SNTB1: variants seen among roughly 807,000 people sequenced by gnomAD.
SNTB1 encodes syntrophin beta 1, also known as beta-1-syntrophin.
A neutral mutation model predicts 48.9 loss-of-function variants in SNTB1; 36 were observed. The ratio of observed to expected loss-of-function variants is 0.74; its 90% CI spans 0.56 to 0.97. The LOEUF (loss-of-function observed/expected upper bound fraction) is 0.97. SNTB1 is among the 50% of genes least tolerant of loss of function. The probability of loss-of-function intolerance (pLI) is 0.00; values close to 1 mark genes in which losing one functional copy is unlikely to be tolerated. For synonymous variants in SNTB1, 299 were observed against 294.6 expected (o/e 1.01, Z -0.15); for missense variants, 786 against 703.4 (o/e 1.12, Z -1.33).
chr8:120,575,251 A>T (rs1315003211), intron 3 of SNTB1, 26 bp from the exon 4 acceptor site: 3 of 1,613,946 alleles, frequency 1.9e-6, no homozygotes, highest in Non-Finnish European at 8.5e-7. Context: ...GAGAACTGTC[A>T]AATGACAGCC....
chr8:120,711,407 C>T (rs1818462049), intron 1 of SNTB1, among the ~76,000 whole-genome samples: 2 of 152,140 alleles, frequency 1.3e-5, no homozygotes, highest in South Asian at 2.1e-4. Context: ...TCACAGCTCC[C>T]TGAGATCAAA....
At chr8:120,619,310 T>TAG (rs752369440) in intron 3 of SNTB1, among the ~76,000 whole-genome samples, 12,225 of 146,904 alleles carry the variant, frequency 0.083, 606 homozygotes, top group Middle Eastern at 0.19. Context: ...TATATATATA[T>TAG]AGAGAGAGAG....
chr8:120,758,863 C>T (rs11987096), intron 1 of SNTB1, among the ~76,000 whole-genome samples: 18,396 of 151,998 alleles, frequency 0.12, 3,661 homozygotes, highest in African/African-American at 0.42. Context: ...TTGTATATTT[C>T]CTTGTTGTCT....
intron 1 of SNTB1, among the ~76,000 whole-genome samples, chr8:120,800,508 T>C (rs1820205788): frequency 6.6e-6 from 1 of 151,918 alleles, no homozygotes; most frequent in South Asian, 2.1e-4. Context: ...AAAGTAACAA[T>C]GGATCCAGGA....
rs564146819 is a variant in SNTB1, at chr8:120,781,010, G to A, written c.571+30263C>T. On this transcript the variant is annotated intron_variant, in intron 1 of 6. Transcript: ENST00000517992. ...CAAACACCTTCTCATCCTGTGCTAT[G>A]CCCCGTGATCATCTAATCCCTGGTT... Among the ~76,000 whole-genome samples, 4 of 152,276 alleles carry A rather than the reference G, an allele frequency of 2.6e-5. No individual in the cohort carries two copies. In the South Asian group the frequency reaches 8.3e-4, roughly 32 times the overall value.
intron 1 of SNTB1, among the ~76,000 whole-genome samples, chr8:120,746,065 C>A (rs1819120808): frequency 6.6e-6 from 1 of 151,738 alleles, no homozygotes. Context: ...GGTGCCACTG[C>A]AGAGTTGAGC....
At position 120,670,210 on chromosome 8, in the gene SNTB1, T is replaced by C. The variant is rs913871399; in HGVS notation, c.788+23482A>G. On this transcript the variant is annotated intron_variant, in intron 2 of 6. Transcript: ENST00000517992. ...TCATAGTTTGGTGGAGGAAATAGGC[T>C]TTCTTTCCCATAAGCCATACAATGT... Among the ~76,000 whole-genome samples the C allele has an allele frequency of 2.0e-5, 3 of 152,228 alleles. No individual in the cohort carries two copies. The South Asian group carries it at 6.2e-4, about 32-fold the overall frequency.
At chr8:120,545,158 A>T (rs942424417) in intron 5 of SNTB1, among the ~76,000 whole-genome samples, 1 of 152,126 alleles carries the variant, frequency 6.6e-6, no homozygotes, top group African/African-American at 2.4e-5. Context: ...AGCGTGACCA[A>T]CACGGTGAAA....
rs945208973 is a variant in SNTB1, at chr8:120,746,022, G to T, written c.572-52114C>A. On this transcript the variant is annotated intron_variant, in intron 1 of 6. Coordinates refer to ENST00000517992, the MANE Select transcript of SNTB1 (RefSeq NM_021021.4). ...TGTGTTTGTAAATAAAGTTTTATTG[G>T]AACACAGTCACACTCATTATCCACG... Among the ~76,000 whole-genome samples, 4 of 152,276 alleles carry T rather than the reference G, an allele frequency of 2.6e-5. No homozygotes were observed. In the East Asian group the frequency reaches 5.8e-4, roughly 22 times the overall value.
chr8:120,794,014 A>C (rs1820081486), intron 1 of SNTB1, among the ~76,000 whole-genome samples: 1 of 151,982 alleles, frequency 6.6e-6, no homozygotes, highest in African/African-American at 2.4e-5. Flanking sequence ...AAAATCCTGC[A>C]ATTGGTTTAG....
At chr8:120,575,335 G>T in intron 3 of SNTB1, 110 bp from the exon 4 acceptor site, 2 of 1,263,504 alleles carry the variant, frequency 1.6e-6, no homozygotes, top group Non-Finnish European at 2.2e-6. Context: ...GTGTCTTTTG[G>T]TTTGGTTGCA....
chr8:120,715,207 C>T lies in SNTB1; in HGVS notation c.572-21299G>A, dbSNP rs138116266. 1.1e-3 allele frequency among the ~76,000 whole-genome samples: 171 copies of T among 152,260 alleles called. 1 individual carries two copies. Among genetic ancestry groups the T allele is most frequent in the Non-Finnish European group, 1.8e-3 (121 of 68,022 alleles). ...TCTTGACTTTAACCCATTCACTTGT[C>T]CAAAGCAAATTTAGCCTAAATGAGT... On this transcript the variant is annotated intron_variant, in intron 1 of 6. Coordinates refer to ENST00000517992, the MANE Select transcript of SNTB1 (RefSeq NM_021021.4).
chr8:120,595,030 G>A (rs1816300408), intron 3 of SNTB1, among the ~76,000 whole-genome samples: 1 of 151,852 alleles, frequency 6.6e-6, no homozygotes, highest in Non-Finnish European at 1.5e-5. Context: ...TCAAGCAGAA[G>A]GCCCAGAGGC....
intron 3 of SNTB1, among the ~76,000 whole-genome samples, chr8:120,582,796 A>G (rs1816070985): frequency 6.6e-6 from 1 of 152,146 alleles, no homozygotes; most frequent in Admixed American, 6.5e-5. Flanking sequence ...CATTAGGACA[A>G]ATACCTAATG....
intron 2 of SNTB1, among the ~76,000 whole-genome samples, chr8:120,649,649 A>C (rs1432509352): frequency 4.7e-5 from 7 of 150,408 alleles, no homozygotes; most frequent in Non-Finnish European, 7.4e-5. Context: ...CCAGAGGTGG[A>C]GCCTACAGAG....
intron 2 of SNTB1, among the ~76,000 whole-genome samples, chr8:120,659,979 G>T (rs1246412502): frequency 6.6e-6 from 1 of 152,132 alleles, no homozygotes; most frequent in Non-Finnish European, 1.5e-5. Context: ...CTGAGTAGCA[G>T]GTCTCAACAG....
chr8:120,765,186 C>T (rs75912386), intron 1 of SNTB1, among the ~76,000 whole-genome samples: 28,525 of 152,122 alleles, frequency 0.19, 3,076 homozygotes, highest in Middle Eastern at 0.27. Context: ...GATCCTGCCA[C>T]GGCACTCCAG....
intron 5 of SNTB1, among the ~76,000 whole-genome samples, chr8:120,547,616 A>G (rs563365072): frequency 1.1e-3 from 168 of 150,278 alleles, no homozygotes; most frequent in African/African-American, 3.9e-3. Context: ...AAAAAAAACA[A>G]CTTTGTTTTT....
chr8:120,585,898 C>T (rs1439315557), intron 3 of SNTB1, among the ~76,000 whole-genome samples: 1 of 152,202 alleles, frequency 6.6e-6, no homozygotes, highest in Non-Finnish European at 1.5e-5. Flanking sequence ...ATTGGAATAA[C>T]TACCAAAGTT....
Sources: gnomAD v4.1 joint callset for allele counts (sites outside exome capture counted in the v4.1 genomes callset) on GRCh38, gnomAD v4.1.1 for gene constraint, MANE v1.5 for transcripts, NCBI Gene and HGNC (gene_info 2026-07-23, HGNC 2026-07-21) for gene names.